DPH6: variants seen among roughly 807,000 people sequenced by gnomAD.
The protein encoded by DPH6 is diphthamine biosynthesis 6, also known as diphthine--ammonia ligase.
In DPH6, 33 loss-of-function variants were observed where a neutral mutation model predicts 38.2. The observed-to-expected ratio is 0.86, with a 90% confidence interval of 0.65 to 1.15. The LOEUF (loss-of-function observed/expected upper bound fraction) is 1.15, where lower values mean the gene tolerates loss of function less well. Ranked by LOEUF, DPH6 falls within the 50% of genes most tolerant of loss-of-function variation. The pLI is 0.00. For missense variants in DPH6, 325 were observed against 320.0 expected, an observed-to-expected ratio of 1.02 and a Z score of -0.12; for synonymous variants, 108 against 103.0, an observed-to-expected ratio of 1.05 and a Z score of -0.30.
chr15:35,496,567 A>AAATATATATATATATATATATATAT, intron 3 of DPH6, among the ~76,000 whole-genome samples: 25 of 31,012 alleles, frequency 8.1e-4, no homozygotes, highest in Admixed American at 1.4e-3. Flanking sequence ...AAAAAAAAAA[A>AAATATATATATATATATATATATAT]ATATATATAT....
At chr15:35,339,386 G>A (rs539746925) in intron 3 of DPH6, among the ~76,000 whole-genome samples, 7 of 151,830 alleles carry the variant, frequency 4.6e-5, no homozygotes, top group African/African-American at 1.7e-4. Flanking sequence ...GTGCAGTGGC[G>A]TGATCTCGAC....
At chr15:35,503,316 G>C (rs1301434875) in intron 3 of DPH6, among the ~76,000 whole-genome samples, 1 of 151,802 alleles carries the variant, frequency 6.6e-6, no homozygotes, top group Admixed American at 6.6e-5. Context: ...ATTTTAAAAA[G>C]ACCATCCCCT....
At chr15:35,456,293 TTTAG>T (rs982427915) in intron 3 of DPH6, among the ~76,000 whole-genome samples, 24 of 151,880 alleles carry the variant, frequency 1.6e-4, no homozygotes, top group African/African-American at 5.6e-4. Context: ...TTATCAAAAT[TTTAG>T]TTATATTCCT....
intron 3 of DPH6, among the ~76,000 whole-genome samples, chr15:35,513,791 A>T (rs994779535): frequency 6.6e-6 from 1 of 152,012 alleles, no homozygotes; most frequent in Non-Finnish European, 1.5e-5. Flanking sequence ...TATCTTTAAG[A>T]TGTCCAGATA....
At chr15:35,458,920 T>C (rs1190582435) in intron 3 of DPH6, among the ~76,000 whole-genome samples, 1 of 152,174 alleles carries the variant, frequency 6.6e-6, no homozygotes, top group Non-Finnish European at 1.5e-5. Context: ...CCCGTGCCCC[T>C]TGCAGCCCAA....
chr15:35,496,567 A>AAAAAAAAAAAAAAAAAT, intron 3 of DPH6, among the ~76,000 whole-genome samples: 1 of 31,012 alleles, frequency 3.2e-5, no homozygotes. Context: ...AAAAAAAAAA[A>AAAAAAAAAAAAAAAAAT]ATATATATAT....
intron 3 of DPH6, chr15:35,520,964 T>C (rs920601133): frequency 2.0e-6 from 2 of 985,122 alleles, no homozygotes; most frequent in Admixed American, 6.2e-5. Context: ...AGTGCAGAAC[T>C]GTGAAAGTGT....
Position 35,538,257 on chromosome 15 carries a change from T to C in DPH6, c.312+17A>G, listed in dbSNP as rs780093989. The C allele has an allele frequency of 2.1e-6, 3 of 1,444,384 alleles. No individual in the cohort carries two copies. Among genetic ancestry groups the C allele is most frequent in the Admixed American group, 2.0e-5 (1 of 50,496 alleles). 89.5% of individuals were successfully genotyped at this position (1,444,384 alleles called of 1,614,324 possible). On this transcript the variant is annotated intron_variant, in intron 3 of 8. Transcript: ENST00000256538. ...TACACACTAAATCCAATATACTTAA[T>C]TGGTTACTCTGCATACCTTAACAAG...
intron 3 of DPH6, chr15:35,299,204 A>C (rs1465471074): frequency 3.0e-6 from 4 of 1,344,214 alleles, no homozygotes; most frequent in Non-Finnish European, 4.3e-6. Flanking sequence ...TGGGAACAGG[A>C]TCCTTCAGCC....
intron 5 of DPH6, among the ~76,000 whole-genome samples, chr15:35,425,105 T>C (rs2053552519): frequency 6.6e-6 from 1 of 151,598 alleles, no homozygotes; most frequent in South Asian, 2.1e-4. Context: ...TATAAGACAA[T>C]TCACTGGAGG....
chr15:35,347,001 T>C (rs1376471025), intron 3 of DPH6, among the ~76,000 whole-genome samples: 2 of 152,136 alleles, frequency 1.3e-5, no homozygotes, highest in East Asian at 1.9e-4. Context: ...CTCTCAGGTA[T>C]CTGGTTATAG....
chr15:35,310,872 A>C (rs2052135280), intron 3 of DPH6, among the ~76,000 whole-genome samples: 1 of 151,306 alleles, frequency 6.6e-6, no homozygotes, highest in Admixed American at 6.6e-5. Context: ...CAACATGGAG[A>C]AACCCCATCT....
At chr15:35,324,927 T>C (rs1346564085) in intron 3 of DPH6, among the ~76,000 whole-genome samples, 1 of 152,106 alleles carries the variant, frequency 6.6e-6, no homozygotes, top group Non-Finnish European at 1.5e-5. Flanking sequence ...TCTTAGTACT[T>C]GGGATAATAG....
intron 3 of DPH6, chr15:35,299,001 C>T (rs1007618894): frequency 1.1e-5 from 8 of 746,060 alleles, no homozygotes; most frequent in South Asian, 7.5e-5. Context: ...CGGATCTGAA[C>T]TCCTTGAAAA....
At chr15:35,268,603 A>C (rs2051800515) in intron 3 of DPH6, among the ~76,000 whole-genome samples, 1 of 151,928 alleles carries the variant, frequency 6.6e-6, no homozygotes, top group Non-Finnish European at 1.5e-5. Flanking sequence ...AAGCAGAAAA[A>C]ACTTAGTGAG....
At chr15:35,511,634 C>A (rs934027893) in intron 3 of DPH6, among the ~76,000 whole-genome samples, 14 of 152,026 alleles carry the variant, frequency 9.2e-5, no homozygotes, top group Non-Finnish European at 1.5e-4. Flanking sequence ...TCCTACTTAT[C>A]CCCATGCTCA....
downstream of DPH6, among the ~76,000 whole-genome samples, chr15:35,329,828 T>C (rs1309725785): frequency 6.6e-6 from 1 of 152,088 alleles, no homozygotes; most frequent in South Asian, 2.1e-4. Flanking sequence ...GTGCCAGAAA[T>C]TGAAAACAAT....
intron 5 of DPH6, among the ~76,000 whole-genome samples, chr15:35,441,665 T>TG (rs2053789960): frequency 6.6e-6 from 1 of 151,400 alleles, no homozygotes; most frequent in South Asian, 2.1e-4. Context: ...TGCTGGCGGG[T>TG]GGGGGGTTAG....
chr15:35,502,146 A>G (rs921378830), intron 3 of DPH6, among the ~76,000 whole-genome samples: 4 of 152,092 alleles, frequency 2.6e-5, no homozygotes, highest in African/African-American at 9.7e-5. Context: ...GGACTTCTCT[A>G]TATTTATAAT....
Sources: allele counts gnomAD v4.1 joint callset (sites outside exome capture counted in the v4.1 genomes callset), GRCh38; gene constraint gnomAD v4.1.1; transcripts MANE v1.5; gene names NCBI Gene and HGNC (gene_info 2026-07-23, HGNC 2026-07-21).